TSPAN18: variants seen among roughly 807,000 people sequenced by gnomAD.
TSPAN18 encodes the protein tetraspanin-18.
Under a neutral mutation model 27.3 loss-of-function variants are expected in TSPAN18, and 14 were observed. The observed-to-expected ratio is 0.51, with a 90% CI of 0.34 to 0.80. The LOEUF is 0.80. TSPAN18 is among the 30% of genes least tolerant of loss of function. The pLI, the probability that TSPAN18 is intolerant of heterozygous loss-of-function variation, is 0.01. For missense variants in TSPAN18, 268 were observed against 323.9 expected, an observed-to-expected ratio of 0.83 and a Z score of 1.32; for synonymous variants, 143 against 136.5, an observed-to-expected ratio of 1.05 and a Z score of -0.33.
chr11:44,892,936 T>C (rs1379812564), intron 3 of TSPAN18, among the ~76,000 whole-genome samples: 1 of 152,186 alleles, frequency 6.6e-6, no homozygotes, highest in Non-Finnish European at 1.5e-5. Flanking sequence ...CGTGCAGGTG[T>C]AATAAGTCCT....
intron 2 of TSPAN18, among the ~76,000 whole-genome samples, chr11:44,801,468 A>G (rs1356543521): frequency 3.3e-5 from 5 of 152,370 alleles, no homozygotes; most frequent in Admixed American, 6.5e-5. Flanking sequence ...CTGGGCATAC[A>G]GAAGGTACCC....
At chr11:44,880,320 G>A (rs913519359) in intron 3 of TSPAN18, among the ~76,000 whole-genome samples, 1 of 152,204 alleles carries the variant, frequency 6.6e-6, no homozygotes, top group Non-Finnish European at 1.5e-5. Flanking sequence ...TGGAAGCTGT[G>A]CCAGTTCTGT....
At chr11:44,784,525 G>T (rs1488473437) in intron 2 of TSPAN18, among the ~76,000 whole-genome samples, 1 of 152,160 alleles carries the variant, frequency 6.6e-6, no homozygotes, top group Non-Finnish European at 1.5e-5. Flanking sequence ...TGCTCTAACC[G>T]CTCTGGAGAC....
chr11:44,914,991 C>T (rs945069521), intron 5 of TSPAN18, among the ~76,000 whole-genome samples: 2 of 152,236 alleles, frequency 1.3e-5, no homozygotes, highest in Admixed American at 6.5e-5. Context: ...GGAAGCCATG[C>T]GCAGTCATCC....
At chr11:44,888,319 G>T (rs1183955290) in intron 3 of TSPAN18, among the ~76,000 whole-genome samples, 1 of 152,148 alleles carries the variant, frequency 6.6e-6, no homozygotes, top group Non-Finnish European at 1.5e-5. Context: ...GTTTACCCCT[G>T]GGTAACTCAG....
chr11:44,872,645 C>T (rs1241932658), intron 3 of TSPAN18, among the ~76,000 whole-genome samples: 1 of 151,306 alleles, frequency 6.6e-6, no homozygotes, highest in East Asian at 1.9e-4. Context: ...ATATGCCAGA[C>T]TCTGCTTTAA....
chr11:44,790,339 G>C (rs1485116673), intron 2 of TSPAN18, among the ~76,000 whole-genome samples: 1 of 151,106 alleles, frequency 6.6e-6, no homozygotes, highest in East Asian at 2.0e-4. Context: ...ACGCATGTGT[G>C]CATGTGTTGG....
chr11:44,788,694 G>A (rs1023307161), intron 2 of TSPAN18, among the ~76,000 whole-genome samples: 3 of 151,994 alleles, frequency 2.0e-5, no homozygotes, highest in South Asian at 2.1e-4. Flanking sequence ...TGATCTCCCC[G>A]CCTCGGCCTC....
At chr11:44,807,971 G>A (rs1462605280) in intron 2 of TSPAN18, among the ~76,000 whole-genome samples, 1 of 152,122 alleles carries the variant, frequency 6.6e-6, no homozygotes, top group African/African-American at 2.4e-5. Context: ...CCGAGGCTCT[G>A]AGCTGGGGAT....
chr11:44,840,310 G>A (rs1291688516), intron 2 of TSPAN18, among the ~76,000 whole-genome samples: 2 of 152,122 alleles, frequency 1.3e-5, no homozygotes, highest in Non-Finnish European at 2.9e-5. Flanking sequence ...CATTTCCGCT[G>A]GCCTCTCTCC....
chr11:44,829,294 G>T (rs1857107793), intron 2 of TSPAN18, among the ~76,000 whole-genome samples: 1 of 152,094 alleles, frequency 6.6e-6, no homozygotes, highest in Non-Finnish European at 1.5e-5. Flanking sequence ...GTGTCCTACA[G>T]AGTAGTTTCA....
intron 3 of TSPAN18, chr11:44,897,874 C>T (rs1389005614): frequency 7.8e-7 from 1 of 1,288,942 alleles, no homozygotes; most frequent in Non-Finnish European, 1.0e-6. Flanking sequence ...TACCTCTGCC[C>T]CATCACCTGA....
intron 4 of TSPAN18, 88 bp downstream of exon 4, chr11:44,906,567 G>C (rs1452831578): frequency 2.3e-6 from 3 of 1,323,486 alleles, no homozygotes; most frequent in African/African-American, 1.4e-5. Flanking sequence ...TGAGTCCCTG[G>C]GGCGAGCACA....
At chr11:44,799,484 A>T (rs1033517078) in intron 2 of TSPAN18, among the ~76,000 whole-genome samples, 4 of 152,200 alleles carry the variant, frequency 2.6e-5, no homozygotes, top group Non-Finnish European at 5.9e-5. Context: ...TTCCACAAAC[A>T]TCTGTTAGCC....
chr11:44,828,181 G>A (rs562924577), intron 2 of TSPAN18, among the ~76,000 whole-genome samples: 11 of 152,246 alleles, frequency 7.2e-5, no homozygotes, highest in South Asian at 4.1e-4. Context: ...TTGGAGATGC[G>A]TATGGTCTTT....
At chr11:44,922,008 A>C (rs1012306382) in intron 8 of TSPAN18, among the ~76,000 whole-genome samples, 3 of 152,004 alleles carry the variant, frequency 2.0e-5, no homozygotes, top group Non-Finnish European at 2.9e-5. Flanking sequence ...TTCTTTGCTG[A>C]GACATTCATG....
chr11:44,815,632 CATGGTGAT>C (rs1293906969), intron 2 of TSPAN18, among the ~76,000 whole-genome samples: 1 of 152,136 alleles, frequency 6.6e-6, no homozygotes, highest in East Asian at 1.9e-4. Flanking sequence ...CCAGGGATAC[CATGGTGAT>C]AATGATAAAT....
chr11:44,872,146 G>A (rs572253214), intron 3 of TSPAN18, among the ~76,000 whole-genome samples: 2 of 151,932 alleles, frequency 1.3e-5, no homozygotes, highest in South Asian at 2.1e-4. Context: ...GTCCAGGCTG[G>A]TCTCGAACTC....
At chr11:44,808,801 C>T (rs891292560) in intron 2 of TSPAN18, among the ~76,000 whole-genome samples, 1 of 152,184 alleles carries the variant, frequency 6.6e-6, no homozygotes, top group Non-Finnish European at 1.5e-5. Flanking sequence ...TTTGTGATAA[C>T]TGCTGATTAT....
Sources: gnomAD v4.1 joint callset for allele counts (sites outside exome capture counted in the v4.1 genomes callset) on GRCh38, gnomAD v4.1.1 for gene constraint, MANE v1.5 for transcripts, NCBI Gene and HGNC (gene_info 2026-07-23, HGNC 2026-07-21) for gene names.